Variants in EYS observed in about 807,000 individuals in gnomAD.
The protein encoded by EYS is EGF-like photoreceptor maintenance factor, also known as protein eyes shut homolog.
In EYS, 250 loss-of-function variants were observed where a neutral mutation model predicts 282.1. The observed-to-expected ratio is 0.89, with a 90% confidence interval of 0.80 to 0.98. The LOEUF (loss-of-function observed/expected upper bound fraction) is 0.98, where lower values mean the gene tolerates loss of function less well. Among genes scored for constraint, EYS ranks in the 50% least tolerant of loss-of-function variants. The pLI is 0.00. For missense variants in EYS, 4,016 were observed against 3,709.0 expected, an observed-to-expected ratio of 1.08 and a Z score of -2.15; for synonymous variants, 1,355 against 1,282.9, an observed-to-expected ratio of 1.06 and a Z score of -1.20.
chr6:65,380,348 A>C (rs1341330604), intron 8 of EYS, among the ~76,000 whole-genome samples: 2 of 151,998 alleles, frequency 1.3e-5, no homozygotes, highest in African/African-American at 4.8e-5. Context: ...TTTGACAAAC[A>C]TGACAAAAAC....
intron 26 of EYS, among the ~76,000 whole-genome samples, chr6:64,450,537 C>A (rs999114702): frequency 1.1e-4 from 16 of 152,136 alleles, no homozygotes; most frequent in African/African-American, 3.4e-4. Context: ...CTCTCCACCC[C>A]AAATCAACAG....
intron 26 of EYS, among the ~76,000 whole-genome samples, chr6:64,586,498 A>G (rs1423169782): frequency 6.6e-6 from 1 of 152,098 alleles, no homozygotes; most frequent in African/African-American, 2.4e-5. Flanking sequence ...GACACTGAAT[A>G]TTGTTGTGAG....
At chr6:65,611,172 A>C (rs1765985993) in intron 2 of EYS, among the ~76,000 whole-genome samples, 1 of 128,836 alleles carries the variant, frequency 7.8e-6, no homozygotes, top group Non-Finnish European at 1.9e-5. Flanking sequence ...GTATAATTAG[A>C]ATATTGAAAA....
At chr6:64,067,021 C>A (rs1771397172) in intron 32 of EYS, among the ~76,000 whole-genome samples, 1 of 151,972 alleles carries the variant, frequency 6.6e-6, no homozygotes, top group African/African-American at 2.4e-5. Flanking sequence ...ATAAATATTT[C>A]TTTTCCCCAA....
chr6:65,448,140 C>T (rs1189712267), intron 5 of EYS, among the ~76,000 whole-genome samples: 1 of 151,980 alleles, frequency 6.6e-6, no homozygotes, highest in Non-Finnish European at 1.5e-5. Context: ...ATTCCAAGTA[C>T]TCCCTAGTAT....
chr6:63,993,199 A>G (rs1381955502), intron 34 of EYS, among the ~76,000 whole-genome samples: 1 of 151,832 alleles, frequency 6.6e-6, no homozygotes, highest in Admixed American at 6.6e-5. Flanking sequence ...CAGAATACAT[A>G]TCATACTCAA....
At chr6:64,186,273 ACACAC>A (rs1764943552) in intron 31 of EYS, among the ~76,000 whole-genome samples, 1 of 151,860 alleles carries the variant, frequency 6.6e-6, no homozygotes, top group Admixed American at 6.6e-5. Context: ...ACACACACAC[ACACAC>A]ACACACGGTT....
rs1773562697 is a variant in EYS at position 65,061,122 on chromosome 6, A to G, written c.2024-3395T>C. ...TCAATTTCAGAGTGTGTTCCACATG[A>G]TTTGGCAACAATAGGCCACATTTAA... is the stretch of plus-strand genomic sequence containing the variant. On this transcript the variant is annotated intron_variant, in intron 12 of 42. Coordinates refer to ENST00000503581, the MANE Select transcript of EYS (RefSeq NM_001142800.2). Among the ~76,000 whole-genome samples, 4 of 151,930 alleles carry G rather than the reference A, an allele frequency of 2.6e-5. No individual in the cohort carries two copies. In the South Asian group the frequency reaches 8.3e-4, roughly 31 times the overall value.
intron 30 of EYS, among the ~76,000 whole-genome samples, chr6:64,304,018 G>T (rs998305748): frequency 3.3e-5 from 5 of 152,132 alleles, no homozygotes; most frequent in Admixed American, 6.5e-5. Flanking sequence ...GTGAATGATT[G>T]CTCTCTACTC....
chr6:64,730,312 G>T (rs1347105300), intron 22 of EYS, among the ~76,000 whole-genome samples: 2 of 152,130 alleles, frequency 1.3e-5, no homozygotes, highest in African/African-American at 4.8e-5. Flanking sequence ...TAATGTTACA[G>T]ATAAGTTCTA....
chr6:64,442,995 A>G (rs143583839), intron 26 of EYS, among the ~76,000 whole-genome samples: 279 of 152,284 alleles, frequency 1.8e-3, no homozygotes, highest in African/African-American at 6.4e-3. Context: ...AGAACTCAGA[A>G]TGGTAGATCC....
In EYS at chr6:65,405,281, T is replaced by C. The variant is rs1562157095; in HGVS notation, c.949A>G (p.Thr317Ala). The change falls in exon 6 of 43, where the codon ACT becomes GCT. Residue 317 changes from threonine (T) to alanine (A), a missense_variant. Coordinates refer to ENST00000503581, the MANE Select transcript of EYS (RefSeq NM_001142800.2). ...GICPNSSSAY[T>A]YECPKGSSSQ... ...GAAGATCCTTTTGGGCATTCATAAG[T>C]ATAAGCAGAACTGCTATTTGGGCAA... 1 of 1,612,940 alleles carries C rather than the reference T, an allele frequency of 6.2e-7. No homozygotes were observed. Among genetic ancestry groups the C allele is most frequent in the African/African-American group, 1.3e-5 (1 of 74,880 alleles).
chr6:65,088,200 G>T (rs974904252), intron 12 of EYS, among the ~76,000 whole-genome samples: 2 of 152,046 alleles, frequency 1.3e-5, no homozygotes, highest in Non-Finnish European at 2.9e-5. Context: ...ACAGTAAATC[G>T]GTACCACAGA....
intron 22 of EYS, among the ~76,000 whole-genome samples, chr6:64,753,598 C>T (rs1772836474): frequency 6.6e-6 from 1 of 150,506 alleles, no homozygotes; most frequent in Non-Finnish European, 1.5e-5. Context: ...CACCCATCAC[C>T]AGAGCACCCA....
intron 31 of EYS, among the ~76,000 whole-genome samples, chr6:64,167,055 A>T (rs1053682122): frequency 1.3e-5 from 2 of 152,240 alleles, no homozygotes; most frequent in Non-Finnish European, 2.9e-5. Context: ...GCAGTAGAAG[A>T]TGTCCTGCTG....
chr6:65,356,863 C>T (rs771713258), intron 8 of EYS, among the ~76,000 whole-genome samples: 5 of 151,928 alleles, frequency 3.3e-5, no homozygotes, highest in Non-Finnish European at 7.4e-5. Context: ...TGATTCTGAC[C>T]TCTCATTTAT....
intron 22 of EYS, among the ~76,000 whole-genome samples, chr6:64,692,236 C>T (rs1283600528): frequency 2.6e-5 from 4 of 152,106 alleles, no homozygotes; most frequent in Admixed American, 1.3e-4. Context: ...ATTTGCATTT[C>T]TCTGATGTTT....
chr6:64,202,458 TTAATAA>T (rs544474677), intron 31 of EYS, among the ~76,000 whole-genome samples: 7 of 152,202 alleles, frequency 4.6e-5, no homozygotes, highest in African/African-American at 1.7e-4. Context: ...TATTTTTTAC[TTAATAA>T]TAAATAAAAC....
chr6:64,805,445 A>G (rs1300533370), intron 22 of EYS, among the ~76,000 whole-genome samples: 1 of 151,986 alleles, frequency 6.6e-6, no homozygotes, highest in Admixed American at 6.5e-5. Flanking sequence ...TTTTATCTAG[A>G]AAATAATCTA....
Sources: gnomAD v4.1 joint callset for allele counts (sites outside exome capture counted in the v4.1 genomes callset) on GRCh38, gnomAD v4.1.1 for gene constraint, MANE v1.5 for transcripts, NCBI Gene and HGNC (gene_info 2026-07-23, HGNC 2026-07-21) for gene names.